Variants in YBEY observed in about 807,000 individuals in gnomAD.
The protein encoded by YBEY is endoribonuclease YbeY.
Under a neutral mutation model 13.5 loss-of-function variants are expected in YBEY, and 15 were observed. That is an observed-to-expected ratio of 1.11 (90% CI 0.75 to 1.72). YBEY has a LOEUF of 1.72. Among genes scored for constraint, YBEY ranks in the 40% most tolerant of loss-of-function variants. YBEY has a pLI of 0.00. For synonymous variants in YBEY, 101 were observed against 83.1 expected, an observed-to-expected ratio of 1.21 and a Z score of -1.17; for missense variants, 244 against 208.4, an observed-to-expected ratio of 1.17 and a Z score of -1.05.
downstream of YBEY, among the ~76,000 whole-genome samples, chr21:46,299,910 C>T (rs1293334687): frequency 6.6e-6 from 1 of 152,134 alleles, no homozygotes; most frequent in Non-Finnish European, 1.5e-5. Flanking sequence ...CCAAGGGGGA[C>T]CAAGGGGGAC....
At chr21:46,305,293 ACATGGTTTTTTTTTTTTTT>A in the YBEY span, among the ~76,000 whole-genome samples, 12 of 148,624 alleles carry the variant, frequency 8.1e-5, no homozygotes, top group Non-Finnish European at 1.2e-4. Flanking sequence ...TGGTAAAGTT[ACATGGTTTTTTTTTTTTTT>A]AATCACAAAT....
downstream of YBEY, chr21:46,302,687 T>G (rs1367455165): frequency 3.5e-6 from 3 of 857,986 alleles, no homozygotes; most frequent in Admixed American, 6.6e-5. Context: ...ACTGTGCAGG[T>G]CCCCGGGGCA....
intron 2 of YBEY, among the ~76,000 whole-genome samples, chr21:46,290,210 CTT>C (rs56397277): frequency 2.7e-5 from 4 of 148,556 alleles, no homozygotes; most frequent in Non-Finnish European, 3.0e-5. Flanking sequence ...TGACAAATTC[CTT>C]TTTTTTTTTG....
downstream of YBEY, chr21:46,300,631 A>T: frequency 8.2e-7 from 1 of 1,221,284 alleles, no homozygotes; most frequent in Non-Finnish European, 1.0e-6. Flanking sequence ...TTCGGTGTTC[A>T]CACCTGCCCG....
At chr21:46,292,480 T>C (rs2081758110) in intron 3 of YBEY, among the ~76,000 whole-genome samples, 1 of 152,206 alleles carries the variant, frequency 6.6e-6, no homozygotes, top group African/African-American at 2.4e-5. Context: ...CTATTCTTGA[T>C]TTAAAGTTAA....
chr21:46,310,990 G>C, the YBEY span, among the ~76,000 whole-genome samples: 2 of 151,788 alleles, frequency 1.3e-5, no homozygotes, highest in East Asian at 3.9e-4. Flanking sequence ...TCCTGCCTCA[G>C]CCTCCCAAGT....
rs1296415548 is a variant in YBEY at position 46,286,420 on chromosome 21, G to T, written c.-45+5G>T. On this transcript the variant is annotated splice_donor_5th_base_variant and intron_variant, in intron 1 of 4. Transcript: ENST00000397701. ...CTTTGCTGGGTCCAGACACCGGTACGTCCGGGCGGGTTTTTAGTCTCCCAA... is the reference window on the plus strand; with the variant it reads ...CTTTGCTGGGTCCAGACACCGGTACTTCCGGGCGGGTTTTTAGTCTCCCAA... 1 of 156,532 alleles carries T rather than the reference G, an allele frequency of 6.4e-6. No individual in the cohort carries two copies. Among genetic ancestry groups the T allele is most frequent in the East Asian group, 1.9e-4 (1 of 5,228 alleles). The allele number at this position is 156,532 out of a possible 1,614,324, so 9.7% of individuals were successfully genotyped here. A position where few individuals can be genotyped will look rare whatever the true frequency, so the allele number is the denominator to read the frequency against.
At chr21:46,311,590 C>T in the YBEY span, 11 of 1,449,902 alleles carry the variant, frequency 7.6e-6, no homozygotes, top group South Asian at 1.3e-4. Flanking sequence ...AGGTGATTAG[C>T]TATCTGCATA....
chr21:46,307,133 T>C, the YBEY span, among the ~76,000 whole-genome samples: 1 of 150,284 alleles, frequency 6.7e-6, no homozygotes, highest in African/African-American at 2.5e-5. Context: ...TGACCTCAGG[T>C]GATCCAGCCT....
chr21:46,298,433 G>GTTTTTTTTTTTTTTTTTTTTT (rs1569107101), downstream of YBEY, among the ~76,000 whole-genome samples: 8 of 67,226 alleles, frequency 1.2e-4, no homozygotes, highest in Non-Finnish European at 1.8e-4. Flanking sequence ...TTTAATCCAA[G>GTTTTTTTTTTTTTTTTTTTTT]CTTTTTTTTT....
downstream of YBEY, among the ~76,000 whole-genome samples, chr21:46,298,083 C>A (rs942767577): frequency 2.6e-5 from 4 of 152,266 alleles, no homozygotes; most frequent in South Asian, 2.1e-4. Context: ...CGCGAGCGCG[C>A]TGGTTCCCCG....
chr21:46,287,106 T>C lies in YBEY; in HGVS notation c.193T>C (p.Ser65Pro). 1 of 1,601,524 alleles carries C rather than the reference T, an allele frequency of 6.2e-7. No homozygotes were observed. Among genetic ancestry groups the C allele is most frequent in the Non-Finnish European group, 8.5e-7 (1 of 1,175,386 alleles). Residue 65 changes from serine (S) to proline (P), a missense_variant, in exon 2 of 5, where the codon TCT (serine) becomes CCT (proline). Ser to Pro is a moderately conservative substitution (Grantham distance 74, BLOSUM62 -1). Transcript: ENST00000397701. ...RDRNVPTDVL[S>P]FPFHEHLKAG... ...TAGAAATGTCCCAACCGATGTGCTT[T>C]CTTTTCCATTTCATGAGGTAAAAAA...
the YBEY span, among the ~76,000 whole-genome samples, chr21:46,305,180 G>A: frequency 2.0e-5 from 3 of 152,166 alleles, no homozygotes; most frequent in South Asian, 2.1e-4. Flanking sequence ...AGGGGGTGAC[G>A]TAGTCCGACG....
chr21:46,290,909 G>A (rs1468192850), intron 2 of YBEY, among the ~76,000 whole-genome samples: 3 of 151,720 alleles, frequency 2.0e-5, no homozygotes, highest in Non-Finnish European at 4.4e-5. Context: ...GCCGGGCGTG[G>A]TGGCGCATGC....
At chr21:46,295,724 T>TCC (rs1339993374) in intron 3 of YBEY, among the ~76,000 whole-genome samples, 3 of 41,168 alleles carry the variant, frequency 7.3e-5, no homozygotes, top group Non-Finnish European at 1.6e-4. Flanking sequence ...GGAGGCCCCA[T>TCC]CCTGACTGGG....
chr21:46,301,182 TC>T, downstream of YBEY: 2 of 705,992 alleles, frequency 2.8e-6, no homozygotes, highest in Non-Finnish European at 3.5e-6. Context: ...TGCTCTGTGG[TC>T]CAGGCTATAG....
chr21:46,295,174 G>A (rs981339939), intron 3 of YBEY, among the ~76,000 whole-genome samples: 2 of 152,026 alleles, frequency 1.3e-5, no homozygotes, highest in African/African-American at 2.4e-5. Flanking sequence ...TTTCTTCCTC[G>A]GGCCCAGAGC....
At chr21:46,302,213 C>T (rs563229430), downstream of YBEY, 93 of 1,433,646 alleles carry the variant, frequency 6.5e-5, no homozygotes, top group African/African-American at 1.2e-3. Context: ...ACCTCCACTC[C>T]CGCCCTGTTC....
intron 3 of YBEY, among the ~76,000 whole-genome samples, chr21:46,292,953 CCCG>C (rs1299531043): frequency 1.5e-4 from 6 of 38,840 alleles, no homozygotes; most frequent in African/African-American, 5.5e-4. Context: ...TTAAATTCCT[CCCG>C]CGGTTAGCCT....
Sources: allele counts gnomAD v4.1 joint callset (sites outside exome capture counted in the v4.1 genomes callset), GRCh38; gene constraint gnomAD v4.1.1; transcripts MANE v1.5; gene names NCBI Gene and HGNC (gene_info 2026-07-23, HGNC 2026-07-21).